Variants in PLAGL1 observed in about 807,000 individuals in gnomAD.
The protein encoded by PLAGL1 is PLAG1 like zinc finger 1, also known as zinc finger protein PLAGL1.
Under a neutral mutation model 4.6 loss-of-function variants are expected in PLAGL1, and 1 was observed. The observed-to-expected ratio is 0.22, with a 90% CI of 0.08 to 1.03. The LOEUF (loss-of-function observed/expected upper bound fraction) is 1.03. PLAGL1 is among the 50% of genes least tolerant of loss of function. PLAGL1 has a pLI of 0.58. For synonymous variants in PLAGL1, 240 were observed against 237.8 expected, an observed-to-expected ratio of 1.01 and a Z score of -0.08; for missense variants, 464 against 570.4, an observed-to-expected ratio of 0.81 and a Z score of 1.90.
At chr6:144,002,743 T>A (rs1181952721) in intron 1 of PLAGL1, among the ~76,000 whole-genome samples, 1 of 152,126 alleles carries the variant, frequency 6.6e-6, no homozygotes, top group African/African-American at 2.4e-5. Flanking sequence ...AAGTCCTCTA[T>A]ACTGAATATA....
chr6:144,054,219 CAG>C (rs1798778564), intron 1 of PLAGL1, among the ~76,000 whole-genome samples: 2 of 152,306 alleles, frequency 1.3e-5, no homozygotes, highest in South Asian at 2.1e-4. Context: ...GTCCATTCTT[CAG>C]AGTTAGCCAA....
rs1248067787 is a variant in PLAGL1 at position 143,947,636 on chromosome 6, C to T, written c.152+349G>A. On this transcript the variant is annotated intron_variant, in intron 7 of 7. Transcript: ENST00000674357. The surrounding 1 kb of genome is among the most constrained non-coding windows in gnomAD (Gnocchi z 4.3). ...TAAAGATTGTCCCCATCTGAGAAGC[C>T]GTCCCAGGTTTCATCAGGCAGTGAA... is the stretch of plus-strand genomic sequence containing the variant. 1.3e-5 allele frequency among the ~76,000 whole-genome samples: 2 copies of T among 152,186 alleles called. No homozygotes were observed. The highest frequency in any genetic ancestry group is 6.5e-5 in the Admixed American group (1 of 15,280).
At position 143,997,836 on chromosome 6, in the gene PLAGL1, G is replaced by C. The variant is rs1460804111; in HGVS notation, c.-584+10254C>G. Reference sequence around the variant, plus strand: ...ATGTAATATTGTCTAGCTTGCTCTTGAATGTGGTTACACAGGTGTGCGTAT... The same window carrying C: ...ATGTAATATTGTCTAGCTTGCTCTTCAATGTGGTTACACAGGTGTGCGTAT... On this transcript the variant is annotated intron_variant, in intron 1 of 7. Coordinates refer to ENST00000674357, the MANE Select transcript of PLAGL1 (RefSeq NM_001317162.2). This position sits in a 1 kb window ranked among gnomAD's most constrained non-coding sequence, Gnocchi z 4.6. Among the ~76,000 whole-genome samples, 1 of 152,164 alleles carries C rather than the reference G, an allele frequency of 6.6e-6. No homozygotes were observed. Among genetic ancestry groups the C allele is most frequent in the Non-Finnish European group, 1.5e-5 (1 of 68,026 alleles).
rs1797592933 is a variant in PLAGL1, at chr6:144,039,903, G to A, written c.-151+24565C>T. On this transcript the variant is annotated intron_variant, in intron 1 of 3. Transcript: ENST00000437412. This position sits in a 1 kb window ranked among gnomAD's most constrained non-coding sequence, Gnocchi z 4.1. ...AATTAATACATTGTGGCACATAATG[G>A]CATCCTTATGCCAATAAAAATGGAT... Among the ~76,000 whole-genome samples the A allele has an allele frequency of 6.6e-6, 1 of 152,130 alleles. No homozygotes were observed. Among genetic ancestry groups the A allele is most frequent in the African/African-American group, 2.4e-5 (1 of 41,422 alleles).
rs909644968 is a variant in PLAGL1, at chr6:143,974,112, G to C, written c.-543-5134C>G. On this transcript the variant is annotated intron_variant, in intron 2 of 7. Coordinates refer to ENST00000674357, the MANE Select transcript of PLAGL1 (RefSeq NM_001317162.2). ...ATTACTCTGACTGGTTACCTACACG[G>C]AACAAATATAACTAAGAGGTTTCCA... is the stretch of plus-strand genomic sequence containing the variant. Among the ~76,000 whole-genome samples, 4 of 152,140 alleles carry C rather than the reference G, an allele frequency of 2.6e-5. No homozygotes were observed. In the East Asian group the frequency reaches 7.7e-4, roughly 29 times the overall value.
chr6:143,977,086 C>CT (rs978526635), intron 2 of PLAGL1, among the ~76,000 whole-genome samples: 3 of 144,290 alleles, frequency 2.1e-5, no homozygotes, highest in Non-Finnish European at 4.6e-5. Flanking sequence ...ACTCCCTTCC[C>CT]CCCCCCCAAC....
chr6:143,984,338 T>C lies in PLAGL1; in HGVS notation c.-544+797A>G, dbSNP rs1368099466. ...GAGGTAGGGGTTGTATGGTGAAATATGCTGGAGAAACACCACAGACCAAAG... is the reference window on the plus strand; with the variant it reads ...GAGGTAGGGGTTGTATGGTGAAATACGCTGGAGAAACACCACAGACCAAAG... On this transcript the variant is annotated intron_variant, in intron 2 of 7. Transcript: ENST00000674357. The surrounding 1 kb of genome is among the most constrained non-coding windows in gnomAD (Gnocchi z 5.5). Among the ~76,000 whole-genome samples the C allele has an allele frequency of 1.3e-5, 2 of 152,198 alleles. No homozygotes were observed. The highest frequency in any genetic ancestry group is 1.3e-4 in the Admixed American group (2 of 15,254).
intron 1 of PLAGL1, among the ~76,000 whole-genome samples, chr6:144,044,027 C>T (rs1797938195): frequency 6.6e-6 from 1 of 152,078 alleles, no homozygotes; most frequent in African/African-American, 2.4e-5. Context: ...GGTGATATCC[C>T]CTTTATCATT....
intron 1 of PLAGL1, among the ~76,000 whole-genome samples, chr6:143,998,685 T>A (rs1158239922): frequency 6.6e-6 from 1 of 152,142 alleles, no homozygotes; most frequent in African/African-American, 2.4e-5. Flanking sequence ...CTATAGATTA[T>A]AAATTATAGG....
In PLAGL1 at chr6:144,004,095, C is replaced by T. The variant is rs1324323108; in HGVS notation, c.-584+3995G>A. On this transcript the variant is annotated intron_variant, in intron 1 of 7. Transcript: ENST00000674357. The surrounding 1 kb of genome is among the most constrained non-coding windows in gnomAD (Gnocchi z 4.2). ...CAATAAATTTTTTTCTGTAAATGGC[C>T]ACGTGGTAAATAGTTTAGGCTTTGT... Among the ~76,000 whole-genome samples, 1 of 152,114 alleles carries T rather than the reference C, an allele frequency of 6.6e-6. No homozygotes were observed. The highest frequency in any genetic ancestry group is 6.6e-5 in the Admixed American group (1 of 15,260).
chr6:143,989,951 G>A lies in PLAGL1; in HGVS notation c.-583-4777C>T, dbSNP rs777598281. 3.9e-5 allele frequency among the ~76,000 whole-genome samples: 6 copies of A among 152,040 alleles called. No homozygotes were observed. The highest frequency in any genetic ancestry group is 3.9e-4 in the Admixed American group (6 of 15,264). Reference sequence around the variant, plus strand: ...AAAAGCTGTTGGATAGGGCATCTCTGCCTTCTATCTCTAAACTCAGAAACT... The same window carrying A: ...AAAAGCTGTTGGATAGGGCATCTCTACCTTCTATCTCTAAACTCAGAAACT... On this transcript the variant is annotated intron_variant, in intron 1 of 7. Transcript: ENST00000674357. The surrounding 1 kb of genome is among the most constrained non-coding windows in gnomAD (Gnocchi z 4.8).
rs1562418344 is a variant in PLAGL1 at position 143,955,984 on chromosome 6, AT to A, written c.-325+4484del. 6.6e-6 allele frequency among the ~76,000 whole-genome samples: 1 copy of A among 152,182 alleles called. No individual in the cohort carries two copies. The highest frequency in any genetic ancestry group is 2.4e-5 in the African/African-American group (1 of 41,438). ...AGCAAAAAATAAGCGTTAGGAGTTC[AT>A]TTTTAGACATGCTGGGCTTAATGGT... is the stretch of plus-strand genomic sequence containing the variant. On this transcript the variant is annotated intron_variant, in intron 6 of 7. Transcript: ENST00000674357. The surrounding 1 kb of genome is among the most constrained non-coding windows in gnomAD (Gnocchi z 4.9).
chr6:143,992,985 AAAAC>A (rs747769874), intron 1 of PLAGL1, among the ~76,000 whole-genome samples: 33 of 151,594 alleles, frequency 2.2e-4, no homozygotes, highest in Non-Finnish European at 2.8e-4. Flanking sequence ...CCATCTCAAA[AAAAC>A]AAACAAACAA....
chr6:143,963,348 T>G lies in PLAGL1; in HGVS notation c.-399+1439A>C, dbSNP rs1405378685. Among the ~76,000 whole-genome samples, 1 of 152,186 alleles carries G rather than the reference T, an allele frequency of 6.6e-6. No homozygotes were observed. Among genetic ancestry groups the G allele is most frequent in the Non-Finnish European group, 1.5e-5 (1 of 68,040 alleles). ...CTCTCGGGATACCTTGCAGTGCCCC[T>G]TCAAGGTCACATGGTGGGGCTTCAA... On this transcript the variant is annotated intron_variant, in intron 5 of 7. Transcript: ENST00000674357. This position sits in a 1 kb window ranked among gnomAD's most constrained non-coding sequence, Gnocchi z 6.1.
At chr6:144,051,481 G>T (rs1798581024) in intron 1 of PLAGL1, among the ~76,000 whole-genome samples, 1 of 152,096 alleles carries the variant, frequency 6.6e-6, no homozygotes, top group Non-Finnish European at 1.5e-5. Context: ...TTTCACAAAT[G>T]ATATCTTATT....
At chr6:143,992,054 T>C (rs1332207058) in intron 1 of PLAGL1, among the ~76,000 whole-genome samples, 1 of 152,206 alleles carries the variant, frequency 6.6e-6, no homozygotes, top group East Asian at 1.9e-4. Flanking sequence ...GAAAGATATA[T>C]TTTGGACTTC....
intron 1 of PLAGL1, among the ~76,000 whole-genome samples, chr6:144,047,321 C>T (rs1298516495): frequency 6.6e-6 from 1 of 152,188 alleles, no homozygotes; most frequent in Non-Finnish European, 1.5e-5. Flanking sequence ...TCCTATTTGG[C>T]CATCTTGGAG....
rs1268717161 is a variant in PLAGL1 at position 143,945,043 on chromosome 6, C to T, written c.153-2380G>A. On this transcript the variant is annotated intron_variant, in intron 7 of 7. Coordinates refer to ENST00000674357, the MANE Select transcript of PLAGL1 (RefSeq NM_001317162.2). The surrounding 1 kb of genome is among the most constrained non-coding windows in gnomAD (Gnocchi z 4.2). ...GTACTTGAGCAAGACCACTGCCTTC[C>T]AGACTTCACTAGCTCCCACATTTCT... Among the ~76,000 whole-genome samples the T allele has an allele frequency of 1.3e-5, 2 of 152,134 alleles. No homozygotes were observed. Among genetic ancestry groups the T allele is most frequent in the Non-Finnish European group, 2.9e-5 (2 of 68,030 alleles).
rs1785452184 is a variant in PLAGL1 at position 143,971,683 on chromosome 6, G to A, written c.-543-2705C>T. On this transcript the variant is annotated intron_variant, in intron 2 of 7. Coordinates refer to ENST00000674357, the MANE Select transcript of PLAGL1 (RefSeq NM_001317162.2). The surrounding 1 kb of genome is among the most constrained non-coding windows in gnomAD (Gnocchi z 4.7). ...GCTGTTTGTTTGCCTTTTCTGATAA[G>A]GAATTCAAAACATGCAATGGTAGTA... 6.6e-6 allele frequency among the ~76,000 whole-genome samples: 1 copy of A among 152,158 alleles called. No homozygotes were observed. Among genetic ancestry groups the A allele is most frequent in the South Asian group, 2.1e-4 (1 of 4,830 alleles).
Sources: allele counts gnomAD v4.1 joint callset (sites outside exome capture counted in the v4.1 genomes callset), GRCh38; gene constraint gnomAD v4.1.1; non-coding constraint Gnocchi (gnomAD v3.1); transcripts MANE v1.5; gene names NCBI Gene and HGNC (gene_info 2026-07-23, HGNC 2026-07-21).